The following ROBO1 variants were observed in gnomAD, a reference collection of about 807,000 sequenced individuals.
ROBO1 encodes roundabout guidance receptor 1.
Under a neutral mutation model 195.9 loss-of-function variants are expected in ROBO1, and 149 were observed. That is an observed-to-expected ratio of 0.76 (90% CI 0.67 to 0.87). The LOEUF is 0.87. Ranked by LOEUF, ROBO1 falls within the 40% of genes least tolerant of loss-of-function variation. ROBO1 has a pLI of 0.00. For synonymous variants in ROBO1, 816 were observed against 733.2 expected, an observed-to-expected ratio of 1.11 and a Z score of -1.82; for missense variants, 1,933 against 2,068.3, an observed-to-expected ratio of 0.93 and a Z score of 1.27.
intron 2 of ROBO1, among the ~76,000 whole-genome samples, chr3:79,345,896 T>C (rs1038608478): frequency 2.6e-5 from 4 of 152,208 alleles, no homozygotes; most frequent in African/African-American, 9.6e-5. Context: ...TCAGTGTTTA[T>C]AGTGTCCTGC....
chr3:78,865,388 C>T (rs1374682547), intron 4 of ROBO1, among the ~76,000 whole-genome samples: 2 of 151,536 alleles, frequency 1.3e-5, no homozygotes, highest in Admixed American at 1.3e-4. Flanking sequence ...CCACCATATG[C>T]TTTACTCATT....
intron 14 of ROBO1, among the ~76,000 whole-genome samples, chr3:78,664,075 A>AGACTATT (rs1707593536): frequency 6.6e-6 from 1 of 152,156 alleles, no homozygotes; most frequent in African/African-American, 2.4e-5. Flanking sequence ...ATAACATTAT[A>AGACTATT]ATAGAAATGT....
At chr3:79,200,834 G>A (rs562439813) in intron 2 of ROBO1, among the ~76,000 whole-genome samples, 27 of 151,984 alleles carry the variant, frequency 1.8e-4, no homozygotes, top group African/African-American at 6.0e-4. Flanking sequence ...AAAATCTTTT[G>A]TAGTTATAGT....
chr3:78,905,878 C>T (rs556668440), intron 4 of ROBO1, among the ~76,000 whole-genome samples: 68 of 152,068 alleles, frequency 4.5e-4, no homozygotes, highest in Middle Eastern at 3.4e-3. Context: ...CATTAAGTGG[C>T]GGGGGCAGGA....
chr3:79,547,349 G>T (rs1942309191), intron 2 of ROBO1, among the ~76,000 whole-genome samples: 2 of 152,118 alleles, frequency 1.3e-5, no homozygotes, highest in South Asian at 4.1e-4. Flanking sequence ...GAGTTTGGAG[G>T]AGTCTGCAGA....
At chr3:79,563,169 A>G (rs972226919) in intron 2 of ROBO1, among the ~76,000 whole-genome samples, 1 of 152,006 alleles carries the variant, frequency 6.6e-6, no homozygotes, top group African/African-American at 2.4e-5. Context: ...TTGTGGCACT[A>G]TTTGTTTTGT....
intron 5 of ROBO1, among the ~76,000 whole-genome samples, chr3:78,725,382 A>T (rs1360763162): frequency 1.3e-5 from 2 of 152,202 alleles, no homozygotes; most frequent in Non-Finnish European, 2.9e-5. Context: ...GGTTAAAAAA[A>T]ATGTTTTAGA....
At chr3:78,862,586 T>A (rs1277280363) in intron 4 of ROBO1, among the ~76,000 whole-genome samples, 1 of 152,132 alleles carries the variant, frequency 6.6e-6, no homozygotes, top group Non-Finnish European at 1.5e-5. Flanking sequence ...TACAACAAAT[T>A]AAAAGCAGAA....
At chr3:78,823,874 CTGTG>C (rs374708762) in intron 4 of ROBO1, among the ~76,000 whole-genome samples, 14 of 150,436 alleles carry the variant, frequency 9.3e-5, no homozygotes, top group East Asian at 7.8e-4. Context: ...AATTTTGTCA[CTGTG>C]TGTGTGTGTG....
intron 2 of ROBO1, among the ~76,000 whole-genome samples, chr3:79,287,534 A>G (rs1401865647): frequency 6.6e-6 from 1 of 152,188 alleles, no homozygotes; most frequent in Non-Finnish European, 1.5e-5. Flanking sequence ...TGTGTTTTGC[A>G]GGTGGTAGAC....
intron 2 of ROBO1, among the ~76,000 whole-genome samples, chr3:79,382,068 G>C (rs2036593116): frequency 1.3e-5 from 2 of 151,796 alleles, no homozygotes; most frequent in Non-Finnish European, 2.9e-5. Flanking sequence ...CTGAATTATT[G>C]AATCTTTCAT....
At chr3:79,726,397 A>C (rs1280091514) in intron 1 of ROBO1, among the ~76,000 whole-genome samples, 1 of 152,156 alleles carries the variant, frequency 6.6e-6, no homozygotes, top group African/African-American at 2.4e-5. Flanking sequence ...ATACTTTTGG[A>C]ATTGTTTTTG....
At chr3:78,604,800 C>T (rs1703373574) in intron 29 of ROBO1, among the ~76,000 whole-genome samples, 1 of 152,176 alleles carries the variant, frequency 6.6e-6, no homozygotes, top group African/African-American at 2.4e-5. Context: ...TATTAAAATA[C>T]AGTAGTTAAG....
At chr3:79,613,429 A>G (rs1944726235) in intron 1 of ROBO1, among the ~76,000 whole-genome samples, 1 of 152,098 alleles carries the variant, frequency 6.6e-6, no homozygotes, top group Non-Finnish European at 1.5e-5. Flanking sequence ...TAGTAGATAT[A>G]AAACAAAATC....
chr3:78,813,432 A>C (rs1576217127), intron 4 of ROBO1, among the ~76,000 whole-genome samples: 1 of 152,078 alleles, frequency 6.6e-6, no homozygotes, highest in East Asian at 1.9e-4. Flanking sequence ...AGATCTAAAA[A>C]CTGTCGTGTC....
chr3:79,241,758 T>G (rs1053109912), intron 2 of ROBO1, among the ~76,000 whole-genome samples: 1 of 150,700 alleles, frequency 6.6e-6, no homozygotes, highest in Non-Finnish European at 1.5e-5. Context: ...TAAACAATAT[T>G]TATATATGTA....
chr3:79,255,425 C>T (rs753819222), intron 2 of ROBO1, among the ~76,000 whole-genome samples: 1 of 152,036 alleles, frequency 6.6e-6, no homozygotes, highest in Non-Finnish European at 1.5e-5. Context: ...TTTTCATATC[C>T]CCAAATGCAG....
intron 25 of ROBO1, among the ~76,000 whole-genome samples, chr3:78,630,109 G>A (rs566185675): frequency 6.6e-6 from 1 of 152,216 alleles, no homozygotes; most frequent in East Asian, 1.9e-4. Context: ...ATGGCTTATT[G>A]GGTTCCATGT....
intron 3 of ROBO1, among the ~76,000 whole-genome samples, chr3:78,986,042 G>C (rs2077098949): frequency 2.0e-5 from 3 of 152,252 alleles, no homozygotes; most frequent in Non-Finnish European, 2.9e-5. Context: ...TTTTGAAAAG[G>C]AAAGAACAAG....
Sources: gnomAD v4.1 joint callset for allele counts (sites outside exome capture counted in the v4.1 genomes callset) on GRCh38, gnomAD v4.1.1 for gene constraint, MANE v1.5 for transcripts, NCBI Gene and HGNC (gene_info 2026-07-23, HGNC 2026-07-21) for gene names.